The following IL18 variants were observed in gnomAD, a reference collection of about 807,000 sequenced individuals.
IL18 encodes the protein interleukin 18, also known as interleukin-18.
Under a neutral mutation model 14.2 loss-of-function variants are expected in IL18, and 8 were observed. The observed-to-expected ratio is 0.56, with a 90% CI of 0.33 to 1.01. IL18 has a LOEUF of 1.01. Among genes scored for constraint, IL18 ranks in the 50% least tolerant of loss-of-function variants. The probability of loss-of-function intolerance (pLI) is 0.03; values close to 1 mark genes in which losing one functional copy is unlikely to be tolerated. For missense variants in IL18, 166 were observed against 231.1 expected (o/e 0.72, Z 1.83); for synonymous variants, 67 against 71.0 (o/e 0.94, Z 0.28).
In IL18 at chr11:112,143,564, G is replaced by A. The variant is rs1288262307; in HGVS notation, c.*32C>T. 4.8e-6 allele frequency: 7 copies of A among 1,462,134 alleles called. No homozygotes were observed. The highest frequency in any genetic ancestry group is 2.3e-5 in the East Asian group (1 of 43,530). 90.6% of individuals were successfully genotyped at this position (1,462,134 alleles called of 1,614,324 possible). On this transcript the variant is annotated 3_prime_UTR_variant, in exon 6 of 6. Transcript: ENST00000280357. The stretch of plus-strand genomic sequence containing the variant: ...CCCAAAGGGCTGGGATTACAGGCGT[G>A]AGCCACTGCGCCCGGCATGAAATTT...
At chr11:112,162,805 GTTTGTTTGTTTT>G (rs532150565) in intron 1 of IL18, among the ~76,000 whole-genome samples, 108 of 152,256 alleles carry the variant, frequency 7.1e-4, no homozygotes, top group African/African-American at 2.4e-3. Flanking sequence ...TTTGAAGGAA[GTTTGTTTGTTTT>G]TTTGTTTGTT....
chr11:112,150,378 AT>A, intron 3 of IL18, 172 bp from the exon 4 acceptor site: 1 of 544,132 alleles, frequency 1.8e-6, no homozygotes, highest in Non-Finnish European at 3.3e-6. Flanking sequence ...GGCACACTCA[AT>A]TTCTTGTTAC....
At chr11:112,149,250 C>CCACTG (rs979518818) in intron 4 of IL18, among the ~76,000 whole-genome samples, 6 of 152,056 alleles carry the variant, frequency 3.9e-5, no homozygotes, top group East Asian at 3.9e-4. Flanking sequence ...CGAGATCACA[C>CCACTG]CACTGCACTG....
intron 2 of IL18, 126 bp from the exon 3 acceptor site, chr11:112,153,729 G>A: frequency 1.7e-6 from 1 of 587,522 alleles, no homozygotes; most frequent in African/African-American, 1.9e-5. Flanking sequence ...ATGGTTTAAG[G>A]GTCTGTCTTG....
At chr11:112,150,738 T>C (rs5744261) in intron 3 of IL18, 1 of 153,194 alleles carries the variant, frequency 6.5e-6, no homozygotes, top group Non-Finnish European at 1.5e-5. Flanking sequence ...GCATACCAAT[T>C]GTCAATACTT....
chr11:112,152,193 A>T (rs959044366), intron 3 of IL18, among the ~76,000 whole-genome samples: 1 of 152,136 alleles, frequency 6.6e-6, no homozygotes, highest in Non-Finnish European at 1.5e-5. Context: ...TGTGTTTCCT[A>T]TTTCACTGAA....
In IL18 at chr11:112,153,608, GA is replaced by G. The variant is rs768505460; in HGVS notation, c.80-6del. ...CTACTTTACCATCATCTTCAGCTAAGAGGGGGAAAAAGAGAGAAACAGAATA... is the reference window on the plus strand; with the variant it reads ...CTACTTTACCATCATCTTCAGCTAAGGGGGGAAAAAGAGAGAAACAGAATA... On this transcript the variant is annotated splice_polypyrimidine_tract_variant and splice_region_variant and intron_variant, in intron 2 of 5. Transcript: ENST00000280357. 1.9e-6 allele frequency: 3 copies of G among 1,551,338 alleles called. No individual in the cohort carries two copies. The highest frequency in any genetic ancestry group is 1.4e-5 in the African/African-American group (1 of 72,654).
chr11:112,153,603 G>A lies in IL18; in HGVS notation c.80C>T (p.Ala27Val). 2.6e-6 allele frequency: 4 copies of A among 1,555,144 alleles called. No homozygotes were observed. The highest frequency in any genetic ancestry group is 3.5e-6 in the Non-Finnish European group (4 of 1,139,800). Residue 27 changes from alanine (A) to valine (V), a missense_variant and splice_region_variant, in exon 3 of 6, where the codon GCT becomes GTT. Ala to Val is a moderately conservative substitution (Grantham distance 64). Coordinates refer to ENST00000280357, the MANE Select transcript of IL18 (RefSeq NM_001562.4). ...CATTTCTACTTTACCATCATCTTCA[G>A]CTAAGAGGGGGAAAAAGAGAGAAAC... Reference protein sequence around the residue: ...KFIDNTLYFIAEDDENLESDY... With the variant: ...KFIDNTLYFIVEDDENLESDY...
At chr11:112,149,516 AT>A (rs1866399652) in intron 4 of IL18, among the ~76,000 whole-genome samples, 1 of 142,912 alleles carries the variant, frequency 7.0e-6, no homozygotes, top group African/African-American at 2.6e-5. Context: ...TGGAATTCAT[AT>A]TTTGGAAGGC....
chr11:112,161,217 T>G (rs1866625998), intron 1 of IL18, among the ~76,000 whole-genome samples: 1 of 152,200 alleles, frequency 6.6e-6, no homozygotes, highest in African/African-American at 2.4e-5. Context: ...AATGGTAGAA[T>G]TTCATGATGG....
At chr11:112,155,502 C>T (rs1301396192) in intron 1 of IL18, among the ~76,000 whole-genome samples, 1 of 152,146 alleles carries the variant, frequency 6.6e-6, no homozygotes, top group African/African-American at 2.4e-5. Context: ...ACTTCATTGT[C>T]AAAATGCTAA....
At chr11:112,162,195 TTGAAAA>T (rs1866643386) in intron 1 of IL18, among the ~76,000 whole-genome samples, 1 of 152,154 alleles carries the variant, frequency 6.6e-6, no homozygotes, top group Non-Finnish European at 1.5e-5. Context: ...ATGGCCTAGT[TTGAAAA>T]GGAGAATTGA....
At chr11:112,145,939 A>G (rs1866334164) in intron 5 of IL18, among the ~76,000 whole-genome samples, 1 of 151,608 alleles carries the variant, frequency 6.6e-6, no homozygotes, top group Admixed American at 6.6e-5. Context: ...TAGCAAATGG[A>G]TGTGAAAGCA....
At chr11:112,148,442 G>T (rs5744264) in intron 5 of IL18, among the ~76,000 whole-genome samples, 161 bp downstream of exon 5, 1,657 of 152,190 alleles carry the variant, frequency 0.011, 37 homozygotes, top group African/African-American at 0.038. Flanking sequence ...CATTTTAATG[G>T]TTCTCTGCTT....
chr11:112,152,716 T>C (rs898334522), intron 3 of IL18, among the ~76,000 whole-genome samples: 1 of 152,082 alleles, frequency 6.6e-6, no homozygotes, highest in African/African-American at 2.4e-5. Flanking sequence ...ACTATGTGAG[T>C]GAGATCAACA....
rs750584603 is a variant in IL18 at position 112,150,221 on chromosome 11, A to G, written c.92-15T>C. On this transcript the variant is annotated splice_polypyrimidine_tract_variant and intron_variant, in intron 3 of 5. Transcript: ENST00000280357. ...TTCCAGGTTTTCTACAATAAACATT[A>G]AATCTCATTTAAAAATACATAGTTT... 1 of 1,484,808 alleles carries G rather than the reference A, an allele frequency of 6.7e-7. No homozygotes were observed. Among genetic ancestry groups the G allele is most frequent in the Non-Finnish European group, 9.3e-7 (1 of 1,072,176 alleles). 92.0% of individuals were successfully genotyped at this position (1,484,808 alleles called of 1,614,324 possible).
At chr11:112,157,934 T>C (rs1220250153) in intron 1 of IL18, among the ~76,000 whole-genome samples, 1 of 152,244 alleles carries the variant, frequency 6.6e-6, no homozygotes, top group Non-Finnish European at 1.5e-5. Flanking sequence ...CTCGGCTCAC[T>C]GCAACCTCCA....
At chr11:112,147,287 T>C (rs964082507) in intron 5 of IL18, among the ~76,000 whole-genome samples, 5 of 152,152 alleles carry the variant, frequency 3.3e-5, no homozygotes, top group Non-Finnish European at 7.4e-5. Context: ...CTCCCCCAAA[T>C]ATGGATTTGC....
chr11:112,149,558 GTTTT>G (rs561459069), intron 4 of IL18, among the ~76,000 whole-genome samples: 76 of 99,322 alleles, frequency 7.7e-4, no homozygotes, highest in Admixed American at 1.4e-3. Flanking sequence ...CTTTTCTTAA[GTTTT>G]TTTTTTTTTT....
Sources: allele counts gnomAD v4.1 joint callset (sites outside exome capture counted in the v4.1 genomes callset), GRCh38; gene constraint gnomAD v4.1.1; transcripts MANE v1.5; gene names NCBI Gene and HGNC (gene_info 2026-07-23, HGNC 2026-07-21).